Variants in CSMD1 observed in about 807,000 individuals in gnomAD.
CSMD1 encodes the protein CUB and sushi domain-containing protein 1.
A neutral mutation model predicts 417.5 loss-of-function variants in CSMD1; 213 were observed. That is an observed-to-expected ratio of 0.51 (90% CI 0.46 to 0.57). The LOEUF (loss-of-function observed/expected upper bound fraction) is 0.57. Ranked by LOEUF, CSMD1 falls within the 20% of genes least tolerant of loss-of-function variation. CSMD1 has a pLI of 0.00. For synonymous variants in CSMD1, 2,862 were observed against 1,736.8 expected, an observed-to-expected ratio of 1.65 and a Z score of -16.11; for missense variants, 6,923 against 4,529.7, an observed-to-expected ratio of 1.53 and a Z score of -15.17.
intron 7 of CSMD1, among the ~76,000 whole-genome samples, chr8:3,640,719 A>C (rs1797263535): frequency 6.6e-6 from 1 of 152,214 alleles, no homozygotes; most frequent in Non-Finnish European, 1.5e-5. Flanking sequence ...GTTGTGTAGA[A>C]ACCATGTTGT....
intron 3 of CSMD1, among the ~76,000 whole-genome samples, chr8:4,159,198 G>A (rs556035976): frequency 5.3e-5 from 8 of 152,166 alleles, no homozygotes; most frequent in East Asian, 1.9e-4. Context: ...TTACAGGCAT[G>A]AGCCACCGTG....
At chr8:3,939,596 C>G (rs148974628) in intron 5 of CSMD1, among the ~76,000 whole-genome samples, 1,637 of 152,146 alleles carry the variant, frequency 0.011, 24 homozygotes, top group African/African-American at 0.037. Flanking sequence ...ATTCACAACT[C>G]TAATAACATG....
intron 2 of CSMD1, among the ~76,000 whole-genome samples, chr8:4,423,239 G>A (rs1180532313): frequency 2.0e-5 from 3 of 152,016 alleles, no homozygotes; most frequent in Admixed American, 6.6e-5. Flanking sequence ...GAAAATATAT[G>A]CGTATGGGTC....
chr8:3,484,762 G>A (rs1817930161), intron 11 of CSMD1, among the ~76,000 whole-genome samples: 1 of 152,180 alleles, frequency 6.6e-6, no homozygotes. Flanking sequence ...CTTAGAAAAT[G>A]GGAAAAAGAC....
At chr8:3,642,432 G>T (rs1023297730) in intron 7 of CSMD1, among the ~76,000 whole-genome samples, 1 of 152,046 alleles carries the variant, frequency 6.6e-6, no homozygotes, top group Admixed American at 6.6e-5. Flanking sequence ...TACCTATATG[G>T]CTCTAAAGAC....
At chr8:2,956,581 G>C (rs2128922717) in intron 63 of CSMD1, among the ~76,000 whole-genome samples, 1 of 152,138 alleles carries the variant, frequency 6.6e-6, no homozygotes, top group African/African-American at 2.4e-5. Context: ...AGCCTCCCCA[G>C]TAGCTGGGAC....
At position 4,031,790 on chromosome 8, in the gene CSMD1, T is replaced by G. The variant is rs775402867; in HGVS notation, c.610+115A>C. ...TCAGGAGCAGAATGAGCTGACATTG[T>G]AAGAGTCAGCTCAACATGTATTATT... On this transcript the variant is annotated intron_variant, in intron 4 of 69. Coordinates refer to ENST00000635120, the MANE Select transcript of CSMD1 (RefSeq NM_033225.6). 1.2e-5 allele frequency: 9 copies of G among 727,438 alleles called. No homozygotes were observed. In the East Asian group the frequency reaches 2.3e-4, roughly 18 times the overall value. The allele number at this position is 727,438 out of a possible 1,614,324, so 45.1% of individuals were successfully genotyped here.
chr8:3,257,335 G>T (rs1297433404), intron 26 of CSMD1, among the ~76,000 whole-genome samples: 1 of 152,170 alleles, frequency 6.6e-6, no homozygotes, highest in Admixed American at 6.5e-5. Flanking sequence ...AAAACAAACA[G>T]AAAACTTCTG....
Position 4,767,905 on chromosome 8 carries a change from G to A in CSMD1, c.86-130347C>T, listed in dbSNP as rs185890622. Among the ~76,000 whole-genome samples, 1,441 of 152,230 alleles carry A rather than the reference G, an allele frequency of 9.5e-3. 10 individuals are homozygous for A. The highest frequency in any genetic ancestry group is 0.032 in the South Asian group (152 of 4,820). On this transcript the variant is annotated intron_variant, in intron 1 of 69. Coordinates refer to ENST00000635120, the MANE Select transcript of CSMD1 (RefSeq NM_033225.6). The stretch of plus-strand genomic sequence containing the variant: ...AGTGTAGGCACATCTTATTGTAAAA[G>A]ATGAATTAATAAAACAAATGGAAAG...
intron 37 of CSMD1, among the ~76,000 whole-genome samples, chr8:3,167,486 A>C (rs562486287): frequency 6.6e-6 from 1 of 152,326 alleles, no homozygotes; most frequent in African/African-American, 2.4e-5. Flanking sequence ...AAGAAAGAAC[A>C]AAACGCAGGC....
At chr8:3,517,890 A>C (rs184721781) in intron 10 of CSMD1, among the ~76,000 whole-genome samples, 50 of 152,316 alleles carry the variant, frequency 3.3e-4, no homozygotes, top group Middle Eastern at 6.8e-3. Context: ...AAGGAGATTT[A>C]AAGAAATGTG....
At chr8:3,206,571 G>A (rs1026742862) in intron 30 of CSMD1, among the ~76,000 whole-genome samples, 3 of 144,820 alleles carry the variant, frequency 2.1e-5, no homozygotes, top group African/African-American at 5.2e-5. Flanking sequence ...GTGTATGTGT[G>A]TGTGTGTGTA....
chr8:4,692,349 A>G (rs560816947), intron 1 of CSMD1, among the ~76,000 whole-genome samples: 4 of 152,344 alleles, frequency 2.6e-5, no homozygotes, highest in African/African-American at 7.2e-5. Flanking sequence ...AAAACAAAGT[A>G]AAACAACAAA....
At chr8:3,307,902 C>A (rs957310318) in intron 24 of CSMD1, 81 bp from the exon 25 acceptor site, 1 of 1,475,902 alleles carries the variant, frequency 6.8e-7, no homozygotes, top group Non-Finnish European at 9.2e-7. Flanking sequence ...AAACCAAAGC[C>A]ATTATGTCTG....
At chr8:4,352,307 C>T (rs1381393608) in intron 3 of CSMD1, among the ~76,000 whole-genome samples, 6 of 152,158 alleles carry the variant, frequency 3.9e-5, no homozygotes, top group Non-Finnish European at 5.9e-5. Context: ...GAAAATAGAA[C>T]TATCTATGCC....
intron 12 of CSMD1, among the ~76,000 whole-genome samples, chr8:3,463,697 G>T (rs1387785219): frequency 6.6e-6 from 1 of 152,190 alleles, no homozygotes; most frequent in Non-Finnish European, 1.5e-5. Context: ...TGCTCACCTA[G>T]AGAAGACGGG....
chr8:3,835,376 T>C (rs1189039297), intron 5 of CSMD1, among the ~76,000 whole-genome samples: 1 of 152,114 alleles, frequency 6.6e-6, no homozygotes, highest in Admixed American at 6.6e-5. Context: ...CACCATGGAA[T>C]ACTACGCAGC....
At position 3,097,023 on chromosome 8, in the gene CSMD1, T is replaced by C. The variant is rs375832583; in HGVS notation, c.6964A>G (p.Asn2322Asp). The change falls in exon 47 of 70, where the codon AAT becomes GAT. Residue 2322 changes from asparagine to aspartate, a missense_variant. Asn to Asp is a conservative substitution (Grantham distance 23). Transcript: ENST00000635120. Reference sequence around the variant, plus strand: ...CCCGATGATCCAGTCCGGACTTCATTTGCTGGGCATTGTGCTGGAGAGAAA... The same window carrying C: ...CCCGATGATCCAGTCCGGACTTCATCTGCTGGGCATTGTGCTGGAGAGAAA... Reference protein sequence around the residue: ...LPTCEAQCPANEVRTGSSGVI... With the variant: ...LPTCEAQCPADEVRTGSSGVI... 19 of 1,545,874 alleles carry C rather than the reference T, an allele frequency of 1.2e-5. No individual in the cohort carries two copies. In the African/African-American group the frequency reaches 2.6e-4, roughly 21 times the overall value.
intron 26 of CSMD1, among the ~76,000 whole-genome samples, chr8:3,237,483 T>G (rs1236259685): frequency 2.7e-5 from 4 of 149,184 alleles, no homozygotes; most frequent in Non-Finnish European, 5.9e-5. Context: ...AAACCACAAC[T>G]TTGCATATAA....
Sources: allele counts gnomAD v4.1 joint callset (sites outside exome capture counted in the v4.1 genomes callset), GRCh38; gene constraint gnomAD v4.1.1; transcripts MANE v1.5; gene names NCBI Gene and HGNC (gene_info 2026-07-23, HGNC 2026-07-21).